GPHN: variants seen among roughly 807,000 people sequenced by gnomAD.
GPHN encodes gephyrin.
In GPHN, 17 loss-of-function variants were observed where a neutral mutation model predicts 95.5. The observed-to-expected ratio is 0.18, with a 90% CI of 0.12 to 0.27. The LOEUF (loss-of-function observed/expected upper bound fraction) is 0.27, where lower values mean the gene tolerates loss of function less well. GPHN is among the 10% of genes least tolerant of loss of function. GPHN has a pLI of 1.00. For synonymous variants in GPHN, 320 were observed against 322.5 expected (o/e 0.99, Z 0.08); for missense variants, 660 against 978.1 (o/e 0.67, Z 4.34).
At chr14:66,532,526 AC>A (rs1316859823) in intron 1 of GPHN, among the ~76,000 whole-genome samples, 2 of 152,336 alleles carry the variant, frequency 1.3e-5, no homozygotes, top group African/African-American at 4.8e-5. Flanking sequence ...GTGGGAAGAG[AC>A]TACCCAAGGG....
the GPHN span, among the ~76,000 whole-genome samples, chr14:67,634,594 C>CA: frequency 0.31 from 36,057 of 115,046 alleles, 5,445 homozygotes; most frequent in Non-Finnish European, 0.4. Context: ...ACCGTGTCTC[C>CA]AAAAAAAAAA....
chr14:67,078,370 A>G (rs2076573883), intron 11 of GPHN, among the ~76,000 whole-genome samples: 1 of 152,158 alleles, frequency 6.6e-6, no homozygotes, highest in South Asian at 2.1e-4. Flanking sequence ...CCACTGCTTC[A>G]GCTGCTCACT....
At chr14:67,392,911 C>T in the GPHN span, 13 of 1,380,428 alleles carry the variant, frequency 9.4e-6, no homozygotes, top group Non-Finnish European at 1.3e-5. Context: ...GGGTGTGTGG[C>T]CAATGACCTC....
At chr14:66,601,108 C>T (rs182072851) in intron 1 of GPHN, among the ~76,000 whole-genome samples, 3 of 152,058 alleles carry the variant, frequency 2.0e-5, no homozygotes, top group East Asian at 3.9e-4. Context: ...CAGTGTTGAA[C>T]AATCAATGAG....
At chr14:67,649,155 G>A in the GPHN span, 1 of 152,088 alleles carries the variant, frequency 6.6e-6, no homozygotes, top group Non-Finnish European at 1.5e-5. Context: ...TAGAGCAGGG[G>A]TTAATAACCT....
At chr14:67,199,763 C>A in the GPHN span, 2 of 1,539,724 alleles carry the variant, frequency 1.3e-6, no homozygotes, top group Admixed American at 3.6e-5. Flanking sequence ...GCTTCCTCCA[C>A]CAGGCATGCC....
chr14:67,095,966 C>CAAAAAAA, intron 12 of GPHN, among the ~76,000 whole-genome samples: 4 of 67,104 alleles, frequency 6.0e-5, no homozygotes, highest in Non-Finnish European at 1.1e-4. Context: ...AAGAAAAAGG[C>CAAAAAAA]AAAAAAAAAA....
At chr14:66,652,425 T>A (rs867478219) in intron 1 of GPHN, among the ~76,000 whole-genome samples, 8 of 152,084 alleles carry the variant, frequency 5.3e-5, no homozygotes, top group Middle Eastern at 3.4e-3. Flanking sequence ...ATATATAATA[T>A]CATTCTATGT....
chr14:67,392,029 TA>T, the GPHN span, among the ~76,000 whole-genome samples: 1 of 152,096 alleles, frequency 6.6e-6, no homozygotes, highest in Non-Finnish European at 1.5e-5. Flanking sequence ...CCAAGACAAA[TA>T]TGTGAAGCTG....
chr14:66,711,205 C>T (rs1008596184), intron 2 of GPHN, among the ~76,000 whole-genome samples: 11 of 152,262 alleles, frequency 7.2e-5, no homozygotes, highest in African/African-American at 2.6e-4. Context: ...CACCCTTACT[C>T]CCAAGTCATT....
At chr14:67,341,286 G>A in the GPHN span, among the ~76,000 whole-genome samples, 10 of 150,858 alleles carry the variant, frequency 6.6e-5, no homozygotes, top group Non-Finnish European at 1.2e-4. Context: ...CTGCCCCACC[G>A]CCCCTTCTGG....
intron 17 of GPHN, among the ~76,000 whole-genome samples, chr14:67,134,950 C>CTT (rs2079966122): frequency 6.1e-5 from 3 of 48,986 alleles, no homozygotes; most frequent in African/African-American, 1.7e-4. Flanking sequence ...TTCTTTCTTT[C>CTT]TTCTTTTTTT....
chr14:67,324,621 A>G, the GPHN span, among the ~76,000 whole-genome samples: 3 of 151,880 alleles, frequency 2.0e-5, no homozygotes, highest in African/African-American at 7.3e-5. Flanking sequence ...GTCTTACTCT[A>G]TTGCCCAGGC....
the GPHN span, among the ~76,000 whole-genome samples, chr14:67,572,962 AG>A: frequency 6.6e-6 from 1 of 152,144 alleles, no homozygotes; most frequent in Non-Finnish European, 1.5e-5. Flanking sequence ...AGGCCAGCTC[AG>A]GGCCGGCTCT....
At chr14:66,866,211 C>A (rs758138196) in intron 4 of GPHN, among the ~76,000 whole-genome samples, 1 of 152,072 alleles carries the variant, frequency 6.6e-6, no homozygotes, top group African/African-American at 2.4e-5. Flanking sequence ...ATTTCCTGAA[C>A]TTTTTTCCTC....
At chr14:67,193,172 A>ATATCTCTATATAGACATCTATC in the GPHN span, among the ~76,000 whole-genome samples, 11 of 140,818 alleles carry the variant, frequency 7.8e-5, no homozygotes, top group African/African-American at 2.9e-4. Flanking sequence ...AGACATCTAT[A>ATATCTCTATATAGACATCTATC]TATCTCTATA....
chr14:67,097,363 T>G (rs998863986), intron 12 of GPHN, among the ~76,000 whole-genome samples: 2 of 152,216 alleles, frequency 1.3e-5, no homozygotes, highest in Non-Finnish European at 1.5e-5. Flanking sequence ...ATGAGTTATC[T>G]TGGTATTCTC....
At chr14:67,362,017 T>C in the GPHN span, among the ~76,000 whole-genome samples, 2 of 128,630 alleles carry the variant, frequency 1.6e-5, no homozygotes, top group African/African-American at 4.1e-5. Flanking sequence ...TTTTTTTTTT[T>C]CTTTTTTCTT....
At chr14:67,450,727 G>A in the GPHN span, among the ~76,000 whole-genome samples, 1 of 152,230 alleles carries the variant, frequency 6.6e-6, no homozygotes, top group Non-Finnish European at 1.5e-5. Context: ...TATAAGGGAA[G>A]CAGAGCATAA....
Sources: allele counts gnomAD v4.1 joint callset (sites outside exome capture counted in the v4.1 genomes callset), GRCh38; gene constraint gnomAD v4.1.1; transcripts MANE v1.5; gene names NCBI Gene and HGNC (gene_info 2026-07-23, HGNC 2026-07-21).